Variants in GABRB1 observed in about 807,000 individuals in gnomAD.
The protein encoded by GABRB1 is gamma-aminobutyric acid type A receptor subunit beta1, also known as gamma-aminobutyric acid receptor subunit beta-1.
In GABRB1, 17 loss-of-function variants were observed where a neutral mutation model predicts 51.6. The observed-to-expected ratio is 0.33, with a 90% CI of 0.23 to 0.49. The LOEUF is 0.49. GABRB1 is among the 20% of genes least tolerant of loss of function. The probability of loss-of-function intolerance (pLI) is 0.99; values close to 1 mark genes in which losing one functional copy is unlikely to be tolerated. For synonymous variants in GABRB1, 247 were observed against 218.9 expected (o/e 1.13, Z -1.14); for missense variants, 410 against 600.6 (o/e 0.68, Z 3.32).
intron 3 of GABRB1, among the ~76,000 whole-genome samples, chr4:47,074,571 A>C (rs1727472205): frequency 1.3e-5 from 2 of 152,188 alleles, no homozygotes. Flanking sequence ...AGTGCTTAGC[A>C]TGTTGCTTGG....
intron 5 of GABRB1, among the ~76,000 whole-genome samples, chr4:47,387,621 G>A (rs1243763394): frequency 5.3e-5 from 8 of 152,186 alleles, no homozygotes; most frequent in African/African-American, 1.2e-4. Context: ...TGGAAAAAGC[G>A]AATTTGAACT....
At position 47,036,462 on chromosome 4, in the gene GABRB1, G is replaced by A. The variant is rs573825600; in HGVS notation, c.240+3978G>A. On this transcript the variant is annotated intron_variant, in intron 3 of 8. Coordinates refer to ENST00000295454, the MANE Select transcript of GABRB1 (RefSeq NM_000812.4). Reference sequence around the variant, plus strand: ...AAAATGCAAATTCCAAATCAGAGGTGTGGGATGGGGCCTGACATTCTGCAT... The same window carrying A: ...AAAATGCAAATTCCAAATCAGAGGTATGGGATGGGGCCTGACATTCTGCAT... Among the ~76,000 whole-genome samples, 15 of 152,288 alleles carry A rather than the reference G, an allele frequency of 9.8e-5. No homozygotes were observed. In the East Asian group the frequency reaches 2.7e-3, roughly 27 times the overall value.
chr4:47,024,158 G>A (rs1725014897), intron 1 of GABRB1, among the ~76,000 whole-genome samples: 1 of 151,750 alleles, frequency 6.6e-6, no homozygotes, highest in East Asian at 1.9e-4. Flanking sequence ...TTCTTTCCTA[G>A]TAGTTTGTTC....
At chr4:47,053,605 T>A (rs1726456811) in intron 3 of GABRB1, among the ~76,000 whole-genome samples, 1 of 152,240 alleles carries the variant, frequency 6.6e-6, no homozygotes, top group South Asian at 2.1e-4. Context: ...GCAGTCTTTG[T>A]ATCCCAACTG....
upstream of GABRB1, among the ~76,000 whole-genome samples, chr4:47,028,152 T>C (rs1725161174): frequency 6.6e-6 from 1 of 151,768 alleles, no homozygotes; most frequent in Admixed American, 6.6e-5. Flanking sequence ...TATTGGTCAC[T>C]TAATTATTTT....
At chr4:47,380,175 A>G (rs1727543913) in intron 5 of GABRB1, among the ~76,000 whole-genome samples, 2 of 152,218 alleles carry the variant, frequency 1.3e-5, no homozygotes. Context: ...ATTGCTTGTT[A>G]TAATGCATAT....
chr4:47,184,704 T>A (rs773054892), intron 4 of GABRB1, among the ~76,000 whole-genome samples: 15 of 151,918 alleles, frequency 9.9e-5, no homozygotes, highest in Non-Finnish European at 1.9e-4. Flanking sequence ...GAGATTACAT[T>A]ACCTTAGCTT....
At chr4:47,136,092 G>T (rs1323500925) in intron 3 of GABRB1, among the ~76,000 whole-genome samples, 1 of 152,112 alleles carries the variant, frequency 6.6e-6, no homozygotes, top group Non-Finnish European at 1.5e-5. Context: ...CTGAACTCAA[G>T]TGATCCTCCC....
chr4:47,133,148 A>G (rs1577938040), intron 3 of GABRB1, among the ~76,000 whole-genome samples: 1 of 152,180 alleles, frequency 6.6e-6, no homozygotes, highest in East Asian at 1.9e-4. Context: ...CATTAAATGT[A>G]TCTGTTTTGT....
upstream of GABRB1, among the ~76,000 whole-genome samples, chr4:47,030,330 T>A (rs1725249183): frequency 6.6e-6 from 1 of 152,236 alleles, no homozygotes; most frequent in Admixed American, 6.5e-5. Context: ...TGGTAACTCC[T>A]GTGTAGGGAA....
At chr4:47,314,403 T>G (rs1326883394) in intron 4 of GABRB1, among the ~76,000 whole-genome samples, 1 of 152,036 alleles carries the variant, frequency 6.6e-6, no homozygotes. Flanking sequence ...GTAAAAGCTA[T>G]TGTAATTCAC....
intron 1 of GABRB1, among the ~76,000 whole-genome samples, chr4:47,020,591 C>A (rs10032502): frequency 0.024 from 3,642 of 152,244 alleles, 133 homozygotes; most frequent in African/African-American, 0.084. Context: ...TCGGAGTCAT[C>A]TTTTACTCAC....
intron 4 of GABRB1, among the ~76,000 whole-genome samples, chr4:47,220,197 A>G (rs1021701934): frequency 5.9e-5 from 9 of 151,908 alleles, no homozygotes; most frequent in African/African-American, 2.2e-4. Flanking sequence ...CCGCTTCCAG[A>G]CTGACTTCTT....
intron 3 of GABRB1, among the ~76,000 whole-genome samples, chr4:47,129,511 C>T (rs564498785): frequency 7.2e-5 from 11 of 152,148 alleles, no homozygotes; most frequent in African/African-American, 2.6e-4. Flanking sequence ...CTGTAGTTAC[C>T]TAATAAGAAA....
intron 4 of GABRB1, among the ~76,000 whole-genome samples, chr4:47,304,639 T>C (rs1166615515): frequency 6.6e-6 from 1 of 152,030 alleles, no homozygotes; most frequent in Non-Finnish European, 1.5e-5. Flanking sequence ...TTTTTCCAGT[T>C]TACAATGTTA....
At chr4:47,013,202 G>A (rs1305964298) in intron 1 of GABRB1, among the ~76,000 whole-genome samples, 3 of 151,848 alleles carry the variant, frequency 2.0e-5, no homozygotes, top group African/African-American at 7.3e-5. Flanking sequence ...AATTACACCT[G>A]ATGGTTTTTC....
At chr4:47,062,450 T>C (rs2109529772) in intron 3 of GABRB1, among the ~76,000 whole-genome samples, 1 of 150,734 alleles carries the variant, frequency 6.6e-6, no homozygotes, top group East Asian at 1.9e-4. Context: ...TTTTCATATA[T>C]ATATATATAT....
chr4:47,218,382 T>C (rs1720635956), intron 4 of GABRB1, among the ~76,000 whole-genome samples: 2 of 152,034 alleles, frequency 1.3e-5, no homozygotes, highest in Admixed American at 6.6e-5. Context: ...TGTATAGTTG[T>C]TCTATTTTTA....
chr4:47,330,422 G>A (rs901844322), intron 5 of GABRB1, among the ~76,000 whole-genome samples: 4 of 152,102 alleles, frequency 2.6e-5, no homozygotes, highest in Admixed American at 1.3e-4. Flanking sequence ...CTTAAGTAGC[G>A]ATATGTGGCT....
Sources: gnomAD v4.1 joint callset for allele counts (sites outside exome capture counted in the v4.1 genomes callset) on GRCh38, gnomAD v4.1.1 for gene constraint, MANE v1.5 for transcripts, NCBI Gene and HGNC (gene_info 2026-07-23, HGNC 2026-07-21) for gene names.